IFT88: variants seen among roughly 807,000 people sequenced by gnomAD.
IFT88 encodes intraflagellar transport 88.
IFT88 carries 74 observed loss-of-function variants against 119.5 expected under a neutral mutation model. The observed-to-expected ratio is 0.62, with a 90% CI of 0.51 to 0.75. IFT88 has a LOEUF of 0.75. Ranked by LOEUF, IFT88 falls within the 30% of genes least tolerant of loss-of-function variation. The pLI is 0.00. For synonymous variants in IFT88, 279 were observed against 316.7 expected, an observed-to-expected ratio of 0.88 and a Z score of 1.26; for missense variants, 961 against 977.7, an observed-to-expected ratio of 0.98 and a Z score of 0.23.
chr13:20,621,586 A>G (rs77336434), intron 14 of IFT88, among the ~76,000 whole-genome samples: 6,057 of 150,532 alleles, frequency 0.04, 171 homozygotes, highest in Middle Eastern at 0.072. Context: ...AAAAATCCAA[A>G]GACTTTTTTT....
At chr13:20,645,025 TAGTATC>T (rs2050522218) in intron 20 of IFT88, 67 bp downstream of exon 20, 25 of 685,018 alleles carry the variant, frequency 3.6e-5, no homozygotes, top group Admixed American at 1.1e-4. Context: ...TCCCTAGAAT[TAGTATC>T]TGATAGACCT....
At chr13:20,567,454 T>C (rs892243651) in intron 1 of IFT88, among the ~76,000 whole-genome samples, 198 bp downstream of exon 1, 9 of 152,246 alleles carry the variant, frequency 5.9e-5, no homozygotes, top group Admixed American at 1.3e-4. Context: ...CCGAGTTGTC[T>C]ACTCAGAAAC....
chr13:20,660,225 T>C (rs2053559112), intron 22 of IFT88, among the ~76,000 whole-genome samples: 1 of 152,068 alleles, frequency 6.6e-6, no homozygotes, highest in Non-Finnish European at 1.5e-5. Flanking sequence ...AAATTAGCAT[T>C]TGAGCAGAGA....
At chr13:20,654,848 G>GTA (rs1393899295) in intron 21 of IFT88, among the ~76,000 whole-genome samples, 2 of 152,048 alleles carry the variant, frequency 1.3e-5, no homozygotes, top group South Asian at 2.1e-4. Flanking sequence ...CATATAGAAA[G>GTA]TATATATATA....
intron 13 of IFT88, among the ~76,000 whole-genome samples, chr13:20,610,411 T>A (rs1354510812): frequency 6.6e-6 from 1 of 152,188 alleles, no homozygotes; most frequent in African/African-American, 2.4e-5. Flanking sequence ...CAGTCAAGTC[T>A]GCAGTTGGAT....
intron 23 of IFT88, among the ~76,000 whole-genome samples, chr13:20,668,452 G>T (rs2055152556): frequency 3.3e-5 from 5 of 151,830 alleles, no homozygotes. Flanking sequence ...TAAATGTTTT[G>T]GTTTTACTTT....
At chr13:20,678,237 A>G (rs916241456) in intron 24 of IFT88, among the ~76,000 whole-genome samples, 6 of 152,220 alleles carry the variant, frequency 3.9e-5, no homozygotes, top group African/African-American at 1.2e-4. Context: ...TAACTAAAAC[A>G]ATGCATACTT....
At chr13:20,592,523 G>T (rs1376772355) in intron 7 of IFT88, 119 bp downstream of exon 7, 1 of 659,748 alleles carries the variant, frequency 1.5e-6, no homozygotes, top group South Asian at 2.1e-5. Context: ...AGGCTGGAGT[G>T]CAGTGATGCG....
At chr13:20,572,647 A>G (rs1386674848) in intron 1 of IFT88, among the ~76,000 whole-genome samples, 1 of 152,230 alleles carries the variant, frequency 6.6e-6, no homozygotes, top group Non-Finnish European at 1.5e-5. Flanking sequence ...TAAAATTTAC[A>G]AAGCAGAAAT....
intron 12 of IFT88, among the ~76,000 whole-genome samples, chr13:20,603,386 CAAA>C (rs59421842): frequency 1.1e-4 from 11 of 96,046 alleles, no homozygotes; most frequent in Admixed American, 3.5e-4. Context: ...AACTCCATCT[CAAA>C]AAAAAAAAAA....
intron 14 of IFT88, among the ~76,000 whole-genome samples, chr13:20,623,920 C>T (rs1325725373): frequency 1.3e-5 from 2 of 152,144 alleles, no homozygotes; most frequent in Non-Finnish European, 2.9e-5. Flanking sequence ...TCTTAATATC[C>T]TTTCCAAGTT....
intron 24 of IFT88, among the ~76,000 whole-genome samples, chr13:20,687,711 T>C (rs144369328): frequency 6.3e-4 from 93 of 148,086 alleles, no homozygotes; most frequent in African/African-American, 2.2e-3. Flanking sequence ...AAAAATGATA[T>C]GTTGCGTGTT....
intron 20 of IFT88, among the ~76,000 whole-genome samples, chr13:20,653,005 T>A (rs1397175583): frequency 6.6e-6 from 1 of 152,144 alleles, no homozygotes; most frequent in Non-Finnish European, 1.5e-5. Flanking sequence ...GCAGAAAAGA[T>A]CTAGAAAGTA....
Position 20,653,922 on chromosome 13 carries a change from A to G in IFT88, c.1996A>G (p.Arg666Gly). The change falls in exon 21 of 26, where the codon AGA (arginine) becomes GGA (glycine). Residue 666 changes from arginine to glycine, a missense_variant. Transcript: ENST00000351808. ...GCTGATGGTAGCTAGTTGTTTCAGA[A>G]GAAGTGGTAAATGCTTTAGTTTTAT... The part of the protein sequence containing the change: ...WQLMVASCFR[R>G]SGNYQKALDT... 1 of 1,582,370 alleles carries G rather than the reference A, an allele frequency of 6.3e-7. No individual in the cohort carries two copies. The highest frequency in any genetic ancestry group is 8.6e-7 in the Non-Finnish European group (1 of 1,161,026).
At chr13:20,612,178 T>TACAC (rs1331061513) in intron 13 of IFT88, 111 of 152,286 alleles carry the variant, frequency 7.3e-4, no homozygotes, top group Admixed American at 3.2e-3. Flanking sequence ...CTCAGCCGTG[T>TACAC]GGCTGAGATG....
chr13:20,650,445 A>T (rs77699872), intron 20 of IFT88, among the ~76,000 whole-genome samples: 3 of 152,156 alleles, frequency 2.0e-5, no homozygotes. Context: ...AAATACTCCA[A>T]TCAGGAATAG....
chr13:20,647,446 T>C (rs151330969), intron 20 of IFT88, among the ~76,000 whole-genome samples: 1 of 152,296 alleles, frequency 6.6e-6, no homozygotes, highest in East Asian at 1.9e-4. Flanking sequence ...ACTTGGCATA[T>C]AGTTGAATTA....
chr13:20,570,560 C>T (rs1226120094), intron 1 of IFT88, among the ~76,000 whole-genome samples: 2 of 152,158 alleles, frequency 1.3e-5, no homozygotes, highest in Non-Finnish European at 2.9e-5. Context: ...CATACTACTG[C>T]GTGGATGAAC....
chr13:20,661,750 T>A (rs979164167), intron 22 of IFT88, among the ~76,000 whole-genome samples: 4 of 150,048 alleles, frequency 2.7e-5, no homozygotes, highest in African/African-American at 9.9e-5. Context: ...AAAAAAAAAA[T>A]TATAAATGTA....
Sources: allele counts gnomAD v4.1 joint callset (sites outside exome capture counted in the v4.1 genomes callset), GRCh38; gene constraint gnomAD v4.1.1; transcripts MANE v1.5; gene names NCBI Gene and HGNC (gene_info 2026-07-23, HGNC 2026-07-21).